Variants in BCORL1 observed in about 807,000 individuals in gnomAD.
The protein encoded by BCORL1 is BCL6 corepressor like 1.
A neutral mutation model predicts 87.6 loss-of-function variants in BCORL1; 7 were observed. The observed-to-expected ratio is 0.08, with a 90% CI of 0.05 to 0.15. The LOEUF (loss-of-function observed/expected upper bound fraction) is 0.15. BCORL1 is among the 10% of genes least tolerant of loss of function. The pLI, the probability that BCORL1 is intolerant of heterozygous loss-of-function variation, is 1.00. For synonymous variants in BCORL1, 591 were observed against 634.4 expected, an observed-to-expected ratio of 0.93 and a Z score of 1.03; for missense variants, 1,215 against 1,499.7, an observed-to-expected ratio of 0.81 and a Z score of 3.13.
chrX:130,011,433 TTTACCATGA>T (rs1928958652), intron 2 of BCORL1, among the ~76,000 whole-genome samples: 2 of 110,731 alleles, frequency 1.8e-5, no homozygotes, highest in African/African-American at 6.6e-5. Flanking sequence ...GATATGGAGT[TTTACCATGA>T]TGGCCAGGCT....
At position 130,013,103 on chromosome X, in the gene BCORL1, C is replaced by T. The variant is rs4830173; in HGVS notation, c.331C>T (p.Leu111Phe). Residue 111 changes from leucine to phenylalanine, a missense_variant, in exon 4 of 14, where the codon CTC (leucine) becomes TTC (phenylalanine). Transcript: ENST00000540052. ...TGGGAACGTGGCAGAGGCTGAGGGC[C>T]TCTTGGTGCCCCTGAGCAGCCCAGG... ...YAGNVAEAEG[L>F]LVPLSSPGDG... 8.3e-7 allele frequency: 1 copy of T among 1,210,326 alleles called. No individual in the cohort carries two copies. The highest frequency in any genetic ancestry group is 1.1e-6 in the Non-Finnish European group (1 of 894,140).
chrX:129,983,865 G>T (rs1377165633), intron 1 of BCORL1, among the ~76,000 whole-genome samples: 1 of 110,389 alleles, frequency 9.1e-6, no homozygotes, highest in Admixed American at 9.4e-5. Flanking sequence ...GGCGAGCGAA[G>T]CCGAGGGCTG....
At chrX:130,017,282 C>T (rs1203334401) in intron 4 of BCORL1, among the ~76,000 whole-genome samples, 1 of 110,910 alleles carries the variant, frequency 9.0e-6, no homozygotes, top group Non-Finnish European at 1.9e-5. Flanking sequence ...TGGATTTTAA[C>T]TCACAAACCT....
chrX:130,005,348 G>C, intron 2 of BCORL1, 31 bp downstream of exon 2: 1 of 1,161,942 alleles, frequency 8.6e-7, no homozygotes, highest in Non-Finnish European at 1.2e-6. Context: ...GCCGCTGCTG[G>C]CCTCCAGTGA....
chrX:130,013,397 G>A lies in BCORL1; in HGVS notation c.625G>A (p.Gly209Ser), dbSNP rs5932715. Residue 209 changes from glycine to serine, a missense_variant, in exon 4 of 14, where the codon GGT becomes AGT. By Grantham distance (56) the Gly-to-Ser change is moderately conservative. This residue lies in a region of BCORL1 where 861 missense variants were observed against 1,010.0 expected (regional missense o/e 0.85). Transcript: ENST00000540052. ...AGCCCCTATCTGTCCCCCTGCTCCC[G>A]GTTCGGCCTCTGTGCCCCACTCTGT... ...LPAPICPPAP[G>S]SASVPHSVPD... The A allele has an allele frequency of 0.095, 114,773 of 1,208,304 alleles. 4,392 individuals carry two copies. The highest frequency in any genetic ancestry group is 0.11 in the Non-Finnish European group (100,452 of 894,481).
intron 13 of BCORL1, among the ~76,000 whole-genome samples, chrX:130,053,083 T>G (rs943886452): frequency 8.9e-6 from 1 of 111,924 alleles, no homozygotes; most frequent in Non-Finnish European, 1.9e-5. Context: ...GAGGTTGCAG[T>G]GAGCTGATAT....
chrX:130,020,166 C>T (rs1020134680), intron 4 of BCORL1, among the ~76,000 whole-genome samples: 1 of 112,429 alleles, frequency 8.9e-6, no homozygotes, highest in African/African-American at 3.2e-5. Flanking sequence ...TGCTAACTTG[C>T]GGGTTGGCCT....
At chrX:129,986,076 C>T (rs1022976788) in intron 1 of BCORL1, among the ~76,000 whole-genome samples, 33 of 111,609 alleles carry the variant, frequency 3.0e-4, no homozygotes, top group Non-Finnish European at 5.1e-4. Context: ...GTCTTGAACT[C>T]CTGACCTCAG....
At chrX:129,995,888 GT>G (rs1927530120) in intron 1 of BCORL1, among the ~76,000 whole-genome samples, 2 of 112,073 alleles carry the variant, frequency 1.8e-5, no homozygotes, top group African/African-American at 6.5e-5. Context: ...AAGCTCTGTA[GT>G]AGGAGTTCCA....
chrX:130,044,535 G>A (rs1931624305), intron 11 of BCORL1, among the ~76,000 whole-genome samples: 1 of 108,975 alleles, frequency 9.2e-6, no homozygotes, highest in African/African-American at 3.4e-5. Context: ...TTAAGATGGA[G>A]TCTCGATCTT....
rs1053080075 is a variant in BCORL1 at position 130,015,612 on chromosome X, A to C, written c.2840A>C (p.Asn947Thr). Residue 947 changes from asparagine to threonine, a missense_variant, in exon 4 of 14, where the codon AAT (asparagine) becomes ACT (threonine). This residue lies in a region of BCORL1 where 861 missense variants were observed against 1,010.0 expected (regional missense o/e 0.85). Coordinates refer to ENST00000540052, the MANE Select transcript of BCORL1 (RefSeq NM_001379451.1). ...CCTAGCGGTGGGGACATTCGAATGA[A>C]TCAGGGGCCTGAGGAATCAGAGAGC... is the stretch of plus-strand genomic sequence containing the variant. ...VQPSGGDIRM[N>T]QGPEESESHL... is the part of the protein sequence containing the mutation. The C allele has an allele frequency of 1.7e-6, 2 of 1,212,111 alleles. No individual in the cohort carries two copies. The highest frequency in any genetic ancestry group is 3.5e-5 in the South Asian group (2 of 57,020).
rs776159524 is a variant in BCORL1 at position 130,015,206 on chromosome X, A to G, written c.2434A>G (p.Asn812Asp). 4.1e-6 allele frequency: 5 copies of G among 1,212,047 alleles called. No homozygotes were observed. The highest frequency in any genetic ancestry group is 5.6e-6 in the Non-Finnish European group (5 of 895,590). Residue 812 changes from asparagine to aspartate, a missense_variant, in exon 4 of 14, where the codon AAT (asparagine) becomes GAT (aspartate). Transcript: ENST00000540052. The part of the protein sequence containing the change: ...LSLWKPTGPA[N>D]IYPRCSVNGK... Reference sequence around the variant, plus strand: ...TTTGTGGAAACCCACGGGGCCGGCAAATATTTATCCCCGGTGTTCAGTCAA... The same window carrying G: ...TTTGTGGAAACCCACGGGGCCGGCAGATATTTATCCCCGGTGTTCAGTCAA...
At chrX:130,045,740 C>A (rs1400726362) in intron 11 of BCORL1, among the ~76,000 whole-genome samples, 5 of 110,952 alleles carry the variant, frequency 4.5e-5, no homozygotes, top group African/African-American at 1.6e-4. Flanking sequence ...GCCTCAGCCT[C>A]CCGAGTAGCT....
intron 13 of BCORL1, among the ~76,000 whole-genome samples, chrX:130,055,386 C>G (rs750723982): frequency 8.9e-6 from 1 of 112,709 alleles, no homozygotes; most frequent in South Asian, 3.6e-4. Context: ...TGGGGAAGAT[C>G]TTGGAGAGCA....
chrX:130,006,152 G>A (rs375729855), intron 2 of BCORL1, among the ~76,000 whole-genome samples: 2 of 110,963 alleles, frequency 1.8e-5, no homozygotes, highest in African/African-American at 3.3e-5. Context: ...AGTTGAGACC[G>A]CCTAGCATAG....
At chrX:130,001,236 A>G (rs1374963586) in intron 1 of BCORL1, among the ~76,000 whole-genome samples, 1 of 111,512 alleles carries the variant, frequency 9.0e-6, no homozygotes, top group East Asian at 2.8e-4. Flanking sequence ...GATTATAGGC[A>G]TGTGCCACCA....
chrX:129,994,594 G>A (rs1927415713), intron 1 of BCORL1, among the ~76,000 whole-genome samples: 1 of 111,292 alleles, frequency 9.0e-6, no homozygotes, highest in South Asian at 3.7e-4. Context: ...ACATTCCTTT[G>A]TATCCAGTCT....
chrX:130,043,860 C>G (rs1931562469), intron 11 of BCORL1, among the ~76,000 whole-genome samples: 1 of 90,553 alleles, frequency 1.1e-5, no homozygotes, highest in South Asian at 5.9e-4. Context: ...AGCTCTGCCT[C>G]CCTGGTTCAC....
chrX:130,050,875 T>G, intron 12 of BCORL1, 81 bp downstream of exon 12: 1 of 888,690 alleles, frequency 1.1e-6, no homozygotes. Flanking sequence ...CTTCACCTTT[T>G]AGTGGCTTAC....
Sources: gnomAD v4.1 joint callset for allele counts (sites outside exome capture counted in the v4.1 genomes callset) on GRCh38, gnomAD v4.1.1 for gene constraint, gnomAD v4.1.1 regional missense constraint, MANE v1.5 for transcripts, NCBI Gene and HGNC (gene_info 2026-07-23, HGNC 2026-07-21) for gene names.